CDH13: variants seen among roughly 807,000 people sequenced by gnomAD.
CDH13 encodes cadherin 13, also known as cadherin-13.
In CDH13, 24 loss-of-function variants were observed where a neutral mutation model predicts 63.8. That is an observed-to-expected ratio of 0.38 (90% CI 0.27 to 0.53). The LOEUF is 0.53. CDH13 is among the 20% of genes least tolerant of loss of function. CDH13 has a pLI of 0.85. For missense variants in CDH13, 1,049 were observed against 903.1 expected, an observed-to-expected ratio of 1.16 and a Z score of -2.07; for synonymous variants, 503 against 355.3, an observed-to-expected ratio of 1.42 and a Z score of -4.67.
At chr16:83,111,215 C>A (rs2035042037) in intron 3 of CDH13, among the ~76,000 whole-genome samples, 1 of 151,770 alleles carries the variant, frequency 6.6e-6, no homozygotes, top group Non-Finnish European at 1.5e-5. Flanking sequence ...ATAAAATTTG[C>A]CTTCAATGTG....
chr16:83,341,634 T>C (rs1464855782), intron 5 of CDH13, among the ~76,000 whole-genome samples: 2 of 152,214 alleles, frequency 1.3e-5, no homozygotes, highest in Non-Finnish European at 2.9e-5. Flanking sequence ...TTCTCATCTC[T>C]GCCTTCCCAG....
chr16:83,081,766 A>T (rs2033272054), intron 3 of CDH13, among the ~76,000 whole-genome samples: 1 of 152,044 alleles, frequency 6.6e-6, no homozygotes, highest in African/African-American at 2.4e-5. Flanking sequence ...TAATTCCATC[A>T]TCGGGTTCCA....
At chr16:83,035,636 C>A (rs755984612) in intron 3 of CDH13, among the ~76,000 whole-genome samples, 3 of 152,188 alleles carry the variant, frequency 2.0e-5, no homozygotes, top group Non-Finnish European at 4.4e-5. Flanking sequence ...GTGCCTCCAA[C>A]CCCTGCATGA....
At chr16:82,812,701 G>T (rs1387114367) in intron 1 of CDH13, among the ~76,000 whole-genome samples, 1 of 152,190 alleles carries the variant, frequency 6.6e-6, no homozygotes, top group Non-Finnish European at 1.5e-5. Context: ...CTTTTAAGAA[G>T]TTTGGCGGCT....
chr16:83,114,090 G>C (rs776439151), intron 3 of CDH13, among the ~76,000 whole-genome samples: 5 of 152,162 alleles, frequency 3.3e-5, no homozygotes, highest in Non-Finnish European at 7.3e-5. Context: ...TTTGGGCAAA[G>C]CAGTTTATTT....
intron 4 of CDH13, among the ~76,000 whole-genome samples, chr16:83,133,090 G>T (rs1386580581): frequency 6.6e-6 from 1 of 152,186 alleles, no homozygotes; most frequent in Non-Finnish European, 1.5e-5. Context: ...ACCACATGTG[G>T]TCAATGCAGT....
chr16:83,283,856 C>G (rs982294085), intron 5 of CDH13, among the ~76,000 whole-genome samples: 2 of 152,020 alleles, frequency 1.3e-5, no homozygotes, highest in Admixed American at 6.6e-5. Flanking sequence ...ATCTTTATAT[C>G]CAGAGTTGTA....
chr16:83,097,548 C>T (rs1355495326), intron 3 of CDH13, among the ~76,000 whole-genome samples: 1 of 152,050 alleles, frequency 6.6e-6, no homozygotes, highest in East Asian at 1.9e-4. Flanking sequence ...CAGCCAATAC[C>T]CCAGTAATCA....
intron 6 of CDH13, among the ~76,000 whole-genome samples, chr16:83,434,953 A>ATATATAAATATATTTTATTTCTATATAAC (rs2072247111): frequency 6.9e-6 from 1 of 145,516 alleles, no homozygotes; most frequent in African/African-American, 2.5e-5. Context: ...TTATATATAA[A>ATATATAAATATATTTTATTTCTATATAAC]ACATAGGGGT....
intron 1 of CDH13, among the ~76,000 whole-genome samples, chr16:82,670,202 C>T (rs1273922196): frequency 2.0e-5 from 3 of 152,100 alleles, no homozygotes; most frequent in African/African-American, 7.2e-5. Flanking sequence ...CAGCTGCATC[C>T]GAAATATTTG....
intron 2 of CDH13, among the ~76,000 whole-genome samples, chr16:82,902,766 G>C (rs2041513373): frequency 6.6e-6 from 1 of 152,050 alleles, no homozygotes; most frequent in East Asian, 1.9e-4. Flanking sequence ...TACCATGTTT[G>C]TTTTCTGTAT....
intron 6 of CDH13, among the ~76,000 whole-genome samples, chr16:83,474,756 C>T (rs946139283): frequency 6.6e-6 from 1 of 152,210 alleles, no homozygotes; most frequent in Non-Finnish European, 1.5e-5. Context: ...CACAGATCTC[C>T]CAGAACAGGG....
intron 2 of CDH13, among the ~76,000 whole-genome samples, chr16:82,975,198 T>A (rs1019644663): frequency 6.6e-6 from 1 of 152,212 alleles, no homozygotes; most frequent in Non-Finnish European, 1.5e-5. Flanking sequence ...CCCTGGCTGC[T>A]GTGGTTGGAT....
intron 1 of CDH13, among the ~76,000 whole-genome samples, chr16:82,779,677 ACT>A (rs769478844): frequency 2.6e-5 from 4 of 152,108 alleles, no homozygotes; most frequent in Non-Finnish European, 4.4e-5. Flanking sequence ...TTATCTGGGC[ACT>A]CTATTCCACC....
chr16:83,662,754 A>G (rs967759613), intron 8 of CDH13, among the ~76,000 whole-genome samples: 1 of 152,246 alleles, frequency 6.6e-6, no homozygotes, highest in Non-Finnish European at 1.5e-5. Context: ...AGATCAGTAG[A>G]CATCTTCAGA....
intron 6 of CDH13, among the ~76,000 whole-genome samples, chr16:83,461,840 A>G (rs1250500407): frequency 1.3e-5 from 2 of 152,190 alleles, no homozygotes; most frequent in South Asian, 4.1e-4. Flanking sequence ...TTTCCAGAAG[A>G]TCGATTCTGG....
intron 5 of CDH13, among the ~76,000 whole-genome samples, chr16:83,275,668 T>G (rs1458088732): frequency 1.7e-3 from 3 of 1,816 alleles, no homozygotes; most frequent in African/African-American, 2.0e-3. Flanking sequence ...GCTTGGAAGA[T>G]AAGGGGGGGC....
intron 6 of CDH13, among the ~76,000 whole-genome samples, chr16:83,347,485 C>A (rs1386648650): frequency 2.0e-5 from 3 of 152,144 alleles, no homozygotes; most frequent in Non-Finnish European, 4.4e-5. Flanking sequence ...GCTCTTTCAC[C>A]TGTCCCGCTG....
At chr16:83,066,476 C>T (rs954784648) in intron 3 of CDH13, among the ~76,000 whole-genome samples, 6 of 152,176 alleles carry the variant, frequency 3.9e-5, no homozygotes, top group African/African-American at 1.4e-4. Context: ...CTGAAGTCAT[C>T]AACCCAAAGA....
Sources: gnomAD v4.1 joint callset for allele counts (sites outside exome capture counted in the v4.1 genomes callset) on GRCh38, gnomAD v4.1.1 for gene constraint, MANE v1.5 for transcripts, NCBI Gene and HGNC (gene_info 2026-07-23, HGNC 2026-07-21) for gene names.